The following MCC variants were observed in gnomAD, a reference collection of about 807,000 sequenced individuals.
MCC encodes MCC regulator of Wnt signaling pathway.
MCC carries 90 observed loss-of-function variants against 116.2 expected under a neutral mutation model. That is an observed-to-expected ratio of 0.77 (90% CI 0.65 to 0.92). The LOEUF (loss-of-function observed/expected upper bound fraction) is 0.92. Ranked by LOEUF, MCC falls within the 40% of genes least tolerant of loss-of-function variation. MCC has a pLI of 0.00. For synonymous variants in MCC, 578 were observed against 510.5 expected (o/e 1.13, Z -1.78); for missense variants, 1,516 against 1,312.2 (o/e 1.16, Z -2.40).
intron 13 of MCC, among the ~76,000 whole-genome samples, chr5:113,067,592 CA>C (rs1753712412): frequency 6.6e-6 from 1 of 152,204 alleles, no homozygotes; most frequent in Non-Finnish European, 1.5e-5. Flanking sequence ...GCCAAGATTG[CA>C]CCATTGCACT....
At chr5:113,322,427 C>T (rs1427618490) in intron 3 of MCC, among the ~76,000 whole-genome samples, 3 of 152,018 alleles carry the variant, frequency 2.0e-5, no homozygotes, top group Non-Finnish European at 4.4e-5. Flanking sequence ...GAAGAAAAGA[C>T]ATATCTGTTA....
chr5:113,079,984 T>G (rs1293539146), intron 11 of MCC, among the ~76,000 whole-genome samples: 1 of 152,062 alleles, frequency 6.6e-6, no homozygotes, highest in Non-Finnish European at 1.5e-5. Flanking sequence ...CATCAAAAAG[T>G]GGGTGAAGGA....
rs1417000170 is a variant in MCC, at chr5:113,029,109, G to A, written c.2757-53C>T. 4.5e-6 allele frequency: 7 copies of A among 1,543,678 alleles called. No individual in the cohort carries two copies. The South Asian group carries it at 4.8e-5, about 11-fold the overall frequency. ...GGAGTAGTTTGAGATGATGCTGGAG[G>A]TGCCCACTCCCTGGGAAGTGGTGAC... On this transcript the variant is annotated intron_variant, in intron 17 of 18. Coordinates refer to ENST00000408903, the MANE Select transcript of MCC (RefSeq NM_001085377.2).
intron 3 of MCC, among the ~76,000 whole-genome samples, chr5:113,203,585 G>A (rs935244956): frequency 5.9e-5 from 9 of 152,120 alleles, no homozygotes; most frequent in Admixed American, 4.6e-4. Context: ...AAGATAAGCC[G>A]GATCACTTGG....
chr5:113,058,114 A>G (rs1160056393), intron 14 of MCC, among the ~76,000 whole-genome samples: 1 of 152,238 alleles, frequency 6.6e-6, no homozygotes, highest in Non-Finnish European at 1.5e-5. Flanking sequence ...CTGTGCGTCT[A>G]CCACCCACAA....
Position 113,053,706 on chromosome 5 carries a change from G to C in MCC, c.2448+19C>G. The C allele has an allele frequency of 6.3e-7, 1 of 1,575,272 alleles. No individual in the cohort carries two copies. Among genetic ancestry groups the C allele is most frequent in the Non-Finnish European group, 8.7e-7 (1 of 1,146,904 alleles). On this transcript the variant is annotated intron_variant, in intron 15 of 18. Coordinates refer to ENST00000408903, the MANE Select transcript of MCC (RefSeq NM_001085377.2). ...CCTCCTGGTGGCAGCCTAGCACATG[G>C]GACCCACCCACCACATACCTTCATG...
At position 113,079,739 on chromosome 5, in the gene MCC, T is replaced by C. The variant is rs191230594; in HGVS notation, c.1784+3121A>G. The stretch of plus-strand genomic sequence containing the variant: ...AACCTAGGCAATACCATTCAGGACA[T>C]AGGCATGGGCAAGGACTTCATGACT... On this transcript the variant is annotated intron_variant, in intron 11 of 18. Transcript: ENST00000408903. Among the ~76,000 whole-genome samples, 385 of 152,322 alleles carry C rather than the reference T, an allele frequency of 2.5e-3. 4 individuals carry two copies. The highest frequency in any genetic ancestry group is 8.7e-3 in the African/African-American group (361 of 41,578).
chr5:113,378,337 G>T (rs905284563), intron 2 of MCC, among the ~76,000 whole-genome samples: 3 of 151,796 alleles, frequency 2.0e-5, no homozygotes, highest in Non-Finnish European at 4.4e-5. Flanking sequence ...TTTTTCCTTA[G>T]ACCATGGGGC....
chr5:113,089,498 G>A (rs1463105875), intron 8 of MCC, among the ~76,000 whole-genome samples: 1 of 152,214 alleles, frequency 6.6e-6, no homozygotes, highest in Non-Finnish European at 1.5e-5. Context: ...GTTCAGATAG[G>A]AAATTATGAG....
rs1051181963 is a variant in MCC, at chr5:113,077,525, T to C, written c.1784+5335A>G. Among the ~76,000 whole-genome samples the C allele has an allele frequency of 3.3e-5, 5 of 152,142 alleles. No homozygotes were observed. The South Asian group carries it at 8.3e-4, about 25-fold the overall frequency. On this transcript the variant is annotated intron_variant, in intron 11 of 18. Transcript: ENST00000408903. ...ACTCACTCAAAACTGCATAACTACA[T>C]GGAAACTGAACAACCTGCTCCTGAA...
rs768187708 is a variant in MCC at position 113,084,105 on chromosome 5, A to C, written c.1631T>G (p.Ile544Arg). The C allele has an allele frequency of 2.5e-6, 4 of 1,613,656 alleles. No individual in the cohort carries two copies. The African/African-American group carries it at 5.3e-5, about 22-fold the overall frequency. ...RPVLGSEISS[I>R]GVSSSVAEHL... ...TTGCTTCTCATGAACACTCACCCCTATGCTACTGATTTCTGAGCCCAGGAC... is the reference window on the plus strand; with the variant it reads ...TTGCTTCTCATGAACACTCACCCCTCTGCTACTGATTTCTGAGCCCAGGAC... The change falls in exon 10 of 19, where the codon ATA (isoleucine) becomes AGA (arginine). Residue 544 changes from isoleucine (I) to arginine (R), a missense_variant. By Grantham distance (97) the Ile-to-Arg change is moderately conservative. Transcript: ENST00000408903.
chr5:113,353,490 T>C (rs953677070), intron 2 of MCC, among the ~76,000 whole-genome samples: 5 of 152,226 alleles, frequency 3.3e-5, no homozygotes, highest in Non-Finnish European at 7.3e-5. Flanking sequence ...GGTCTCTCAA[T>C]ACTACTTAAA....
rs1046563556 is a variant in MCC, at chr5:113,238,761, A to G, written c.628-87339T>C. The stretch of plus-strand genomic sequence containing the variant: ...CTTACCATGGTTTGCCTCGACTATC[A>G]AGGTGATCCAATATGGCAAGAGAAA... On this transcript the variant is annotated intron_variant, in intron 3 of 18. Transcript: ENST00000408903. Among the ~76,000 whole-genome samples, 4 of 152,232 alleles carry G rather than the reference A, an allele frequency of 2.6e-5. No individual in the cohort carries two copies. In the East Asian group the frequency reaches 7.7e-4, roughly 29 times the overall value.
intron 17 of MCC, among the ~76,000 whole-genome samples, chr5:113,035,540 C>T (rs1206056058): frequency 6.6e-6 from 1 of 152,208 alleles, no homozygotes; most frequent in Non-Finnish European, 1.5e-5. Flanking sequence ...ACCTCTAAGG[C>T]CCTGCTTGAC....
At chr5:113,180,111 C>T (rs1488766236) in intron 3 of MCC, among the ~76,000 whole-genome samples, 2 of 152,092 alleles carry the variant, frequency 1.3e-5, no homozygotes, top group East Asian at 1.9e-4. Flanking sequence ...AGGAAGGGGT[C>T]GCCTGCCTGG....
chr5:113,392,595 T>C (rs1769427750), intron 1 of MCC, among the ~76,000 whole-genome samples: 1 of 151,964 alleles, frequency 6.6e-6, no homozygotes, highest in African/African-American at 2.4e-5. Context: ...AATTTATGCA[T>C]AAATGGAGGA....
intron 8 of MCC, among the ~76,000 whole-genome samples, chr5:113,086,126 G>T (rs1429531972): frequency 6.6e-6 from 1 of 152,240 alleles, no homozygotes; most frequent in Non-Finnish European, 1.5e-5. Flanking sequence ...AGACAGGAAT[G>T]ATTTCAAGAC....
intron 3 of MCC, among the ~76,000 whole-genome samples, chr5:113,226,973 G>C (rs984418819): frequency 1.3e-5 from 2 of 152,130 alleles, no homozygotes; most frequent in African/African-American, 2.4e-5. Context: ...ATATTACTGT[G>C]AACAATTAAG....
Position 113,367,633 on chromosome 5 carries a change from G to T in MCC, c.415+17335C>A, listed in dbSNP as rs1020112510. Among the ~76,000 whole-genome samples, 4 of 107,578 alleles carry T rather than the reference G, an allele frequency of 3.7e-5. No homozygotes were observed. In the South Asian group the frequency reaches 1.6e-3, roughly 43 times the overall value. The allele number at this position is 107,578 out of a possible 152,430, so 70.6% of individuals were successfully genotyped here. A position where few individuals can be genotyped will look rare whatever the true frequency, so the allele number is the denominator to read the frequency against. ...GGGCATAAGGAAGGCAGAGGGTGGG[G>T]GGGGGGAAGAGAGAGAGAAAGAGAG... is the stretch of plus-strand genomic sequence containing the variant. On this transcript the variant is annotated intron_variant, in intron 2 of 18. Transcript: ENST00000408903.
Sources: gnomAD v4.1 joint callset for allele counts (sites outside exome capture counted in the v4.1 genomes callset) on GRCh38, gnomAD v4.1.1 for gene constraint, MANE v1.5 for transcripts, NCBI Gene and HGNC (gene_info 2026-07-23, HGNC 2026-07-21) for gene names.